PTPRN2: variants seen among roughly 807,000 people sequenced by gnomAD.
The protein encoded by PTPRN2 is receptor-type tyrosine-protein phosphatase N2.
Under a neutral mutation model 118.8 loss-of-function variants are expected in PTPRN2, and 74 were observed. The observed-to-expected ratio is 0.62, with a 90% CI of 0.52 to 0.76. The LOEUF (loss-of-function observed/expected upper bound fraction) is 0.76, where lower values mean the gene tolerates loss of function less well. Ranked by LOEUF, PTPRN2 falls within the 30% of genes least tolerant of loss-of-function variation. The pLI is 0.00. For missense variants in PTPRN2, 1,481 were observed against 1,394.4 expected (o/e 1.06, Z -0.99); for synonymous variants, 641 against 608.0 (o/e 1.05, Z -0.80).
At chr7:158,393,134 C>T (rs2151381634) in intron 2 of PTPRN2, among the ~76,000 whole-genome samples, 1 of 152,276 alleles carries the variant, frequency 6.6e-6, no homozygotes, top group Non-Finnish European at 1.5e-5. Flanking sequence ...GGAAAGGAGA[C>T]TGGGCAGGAA....
At chr7:158,573,943 G>A (rs1217599364) in intron 1 of PTPRN2, among the ~76,000 whole-genome samples, 1 of 152,106 alleles carries the variant, frequency 6.6e-6, no homozygotes, top group Admixed American at 6.5e-5. Context: ...TTAACTATAC[G>A]TAATCCAGAG....
chr7:158,358,510 C>G (rs541498857), intron 2 of PTPRN2, among the ~76,000 whole-genome samples: 3 of 152,336 alleles, frequency 2.0e-5, no homozygotes, highest in South Asian at 2.1e-4. Context: ...TGTACCCCCA[C>G]GCACACAGCA....
In PTPRN2 at chr7:157,874,611, T is replaced by G. The variant is rs978515580; in HGVS notation, c.1788+24062A>C. Among the ~76,000 whole-genome samples the G allele has an allele frequency of 6.6e-6, 1 of 151,810 alleles. No homozygotes were observed. Among genetic ancestry groups the G allele is most frequent in the African/African-American group, 2.4e-5 (1 of 41,306 alleles). On this transcript the variant is annotated intron_variant, in intron 12 of 22. Transcript: ENST00000389418. This position sits in a 1 kb window ranked among gnomAD's most constrained non-coding sequence, Gnocchi z 5.8. ...CTCGCTCCACAGACAGCTCCCGGGG[T>G]CCGGGGAGAAGCGGAGGGGGGCAGA...
intron 11 of PTPRN2, among the ~76,000 whole-genome samples, chr7:157,921,133 T>C (rs1013206809): frequency 3.9e-5 from 6 of 152,180 alleles, no homozygotes; most frequent in African/African-American, 1.4e-4. Flanking sequence ...TAATAGGATA[T>C]CATTCAGGGC....
intron 3 of PTPRN2, among the ~76,000 whole-genome samples, chr7:158,222,627 A>G (rs1028873524): frequency 6.6e-6 from 1 of 152,332 alleles, no homozygotes; most frequent in African/African-American, 2.4e-5. Context: ...GACTAGGTTC[A>G]CTACCTGGGT....
chr7:158,188,902 G>A (rs1825528540), intron 5 of PTPRN2, among the ~76,000 whole-genome samples: 1 of 152,154 alleles, frequency 6.6e-6, no homozygotes, highest in Non-Finnish European at 1.5e-5. Flanking sequence ...CGAGGCCACG[G>A]GCCCTTTGGC....
At chr7:158,059,278 T>G (rs1810096703) in intron 11 of PTPRN2, among the ~76,000 whole-genome samples, 1 of 139,492 alleles carries the variant, frequency 7.2e-6, no homozygotes, top group Non-Finnish European at 1.5e-5. Flanking sequence ...ACACTCCATC[T>G]GCACACAGTG....
intron 11 of PTPRN2, among the ~76,000 whole-genome samples, chr7:157,934,158 G>A (rs969257541): frequency 6.6e-6 from 1 of 152,172 alleles, no homozygotes; most frequent in Non-Finnish European, 1.5e-5. Context: ...ACGTTCACTG[G>A]TATCACTTGT....
chr7:158,245,121 G>A (rs1371982522), intron 3 of PTPRN2, among the ~76,000 whole-genome samples: 1 of 152,212 alleles, frequency 6.6e-6, no homozygotes, highest in Non-Finnish European at 1.5e-5. Context: ...GACATCCATG[G>A]TCATGCCGGA....
chr7:158,213,557 C>T (rs980557558), intron 3 of PTPRN2, among the ~76,000 whole-genome samples: 1 of 152,104 alleles, frequency 6.6e-6, no homozygotes, highest in African/African-American at 2.4e-5. Context: ...AAACAGGCCC[C>T]ACACTCACTA....
chr7:157,578,935 G>T (rs1450508054), intron 17 of PTPRN2, among the ~76,000 whole-genome samples: 4 of 152,236 alleles, frequency 2.6e-5, no homozygotes, highest in Admixed American at 1.3e-4. Flanking sequence ...AGAGGGGTCT[G>T]CTTTTTCTGC....
chr7:158,289,214 TC>T (rs1211891858), intron 3 of PTPRN2, among the ~76,000 whole-genome samples: 1 of 152,208 alleles, frequency 6.6e-6, no homozygotes, highest in Non-Finnish European at 1.5e-5. Flanking sequence ...TTTATATATT[TC>T]CCCAGAATTG....
chr7:157,936,429 C>T (rs1799702962), intron 11 of PTPRN2, among the ~76,000 whole-genome samples: 1 of 152,220 alleles, frequency 6.6e-6, no homozygotes, highest in African/African-American at 2.4e-5. Flanking sequence ...CGAGCATCCT[C>T]CCTGTAGCTC....
rs1018857833 is a variant in PTPRN2, at chr7:157,585,159, G to A, written c.2497-7019C>T. On this transcript the variant is annotated intron_variant, in intron 17 of 22. Coordinates refer to ENST00000389418, the MANE Select transcript of PTPRN2 (RefSeq NM_002847.5). The surrounding 1 kb of genome is among the most constrained non-coding windows in gnomAD (Gnocchi z 5.2). Reference sequence around the variant, plus strand: ...ATGGAAAGGCTGATGAGGGGGCAGCGGGAGGAACCCCCCTGTGCCGCTATC... The same window carrying A: ...ATGGAAAGGCTGATGAGGGGGCAGCAGGAGGAACCCCCCTGTGCCGCTATC... Among the ~76,000 whole-genome samples the A allele has an allele frequency of 6.6e-6, 1 of 152,040 alleles. No homozygotes were observed. Among genetic ancestry groups the A allele is most frequent in the Non-Finnish European group, 1.5e-5 (1 of 68,036 alleles).
chr7:158,522,551 G>C (rs1355683864), intron 1 of PTPRN2, among the ~76,000 whole-genome samples: 1 of 151,810 alleles, frequency 6.6e-6, no homozygotes, highest in Non-Finnish European at 1.5e-5. Flanking sequence ...GGTGTGTTCT[G>C]GCACCACTGT....
chr7:157,825,923 A>G, intron 12 of PTPRN2, among the ~76,000 whole-genome samples: 1 of 152,198 alleles, frequency 6.6e-6, no homozygotes, highest in East Asian at 1.9e-4. Flanking sequence ...GGTGCTTGAA[A>G]AGTTACAGAT....
chr7:158,104,320 G>T (rs1008870231), intron 10 of PTPRN2, among the ~76,000 whole-genome samples: 1 of 152,156 alleles, frequency 6.6e-6, no homozygotes, highest in Admixed American at 6.5e-5. Flanking sequence ...CAGGCTCAAA[G>T]ACTCCTGAGA....
chr7:158,150,979 C>A (rs1036172363), intron 6 of PTPRN2, among the ~76,000 whole-genome samples: 1 of 151,958 alleles, frequency 6.6e-6, no homozygotes, highest in Non-Finnish European at 1.5e-5. Flanking sequence ...ACAGCAATGT[C>A]TGTTCCTCTC....
chr7:158,238,395 C>T (rs563502886), intron 3 of PTPRN2, among the ~76,000 whole-genome samples: 14 of 152,096 alleles, frequency 9.2e-5, no homozygotes, highest in Admixed American at 2.0e-4. Flanking sequence ...GCACAGCAGG[C>T]GAGACGCGGG....
Sources: gnomAD v4.1 joint callset for allele counts (sites outside exome capture counted in the v4.1 genomes callset) on GRCh38, gnomAD v4.1.1 for gene constraint, Gnocchi (gnomAD v3.1) non-coding constraint, MANE v1.5 for transcripts, NCBI Gene and HGNC (gene_info 2026-07-23, HGNC 2026-07-21) for gene names.